The following UNC5C variants were observed in gnomAD, a reference collection of about 807,000 sequenced individuals.
The protein encoded by UNC5C is netrin receptor UNC5C.
UNC5C carries 47 observed loss-of-function variants against 99.8 expected under a neutral mutation model. The ratio of observed to expected loss-of-function variants is 0.47; its 90% CI spans 0.37 to 0.60. The LOEUF (loss-of-function observed/expected upper bound fraction) is 0.60, where lower values mean the gene tolerates loss of function less well. UNC5C is among the 20% of genes least tolerant of loss of function. UNC5C has a pLI of 0.00. For synonymous variants in UNC5C, 487 were observed against 452.2 expected, an observed-to-expected ratio of 1.08 and a Z score of -0.98; for missense variants, 1,062 against 1,165.9, an observed-to-expected ratio of 0.91 and a Z score of 1.30.
At chr4:95,424,260 C>G (rs1746399620) in intron 1 of UNC5C, among the ~76,000 whole-genome samples, 1 of 152,014 alleles carries the variant, frequency 6.6e-6, no homozygotes, top group Non-Finnish European at 1.5e-5. Flanking sequence ...ACCCCCACCC[C>G]TCATTCCAAG....
intron 1 of UNC5C, among the ~76,000 whole-genome samples, chr4:95,543,519 C>T (rs1285948911): frequency 6.6e-6 from 1 of 152,124 alleles, no homozygotes. Context: ...TCTTTGCCTT[C>T]GTGTTGACCT....
chr4:95,321,923 C>A, intron 2 of UNC5C, among the ~76,000 whole-genome samples: 1 of 152,112 alleles, frequency 6.6e-6, no homozygotes, highest in East Asian at 1.9e-4. Context: ...CAGCCTCATA[C>A]TGAAAAGAAA....
chr4:95,528,382 G>A (rs1243038331), intron 1 of UNC5C, among the ~76,000 whole-genome samples: 3 of 152,100 alleles, frequency 2.0e-5, no homozygotes, highest in East Asian at 1.9e-4. Flanking sequence ...CCCTTCATAC[G>A]GCCTTCAAGG....
At chr4:95,451,254 C>T (rs189978915) in intron 1 of UNC5C, among the ~76,000 whole-genome samples, 26 of 152,250 alleles carry the variant, frequency 1.7e-4, no homozygotes, top group African/African-American at 5.8e-4. Context: ...GCAGGCAATG[C>T]TGATTTAAAT....
chr4:95,382,472 A>G (rs1745100431), intron 1 of UNC5C, among the ~76,000 whole-genome samples: 1 of 151,964 alleles, frequency 6.6e-6, no homozygotes. Context: ...AAAAAAAAAA[A>G]AGAGTGTTTT....
intron 1 of UNC5C, among the ~76,000 whole-genome samples, chr4:95,530,387 C>G (rs565612665): frequency 7.2e-5 from 11 of 152,256 alleles, no homozygotes; most frequent in Admixed American, 1.3e-4. Context: ...AGGAGGTGTT[C>G]AGTTCCACAA....
chr4:95,330,437 T>C (rs2149418199), intron 2 of UNC5C, among the ~76,000 whole-genome samples: 1 of 152,236 alleles, frequency 6.6e-6, no homozygotes, highest in Admixed American at 6.5e-5. Flanking sequence ...ATTTTTAAAT[T>C]TCCTTTATAA....
chr4:95,207,151 A>AT, intron 10 of UNC5C, among the ~76,000 whole-genome samples: 1 of 152,166 alleles, frequency 6.6e-6, no homozygotes, highest in East Asian at 1.9e-4. Context: ...ACATAAGCAG[A>AT]TTTTCTGATA....
rs188063738 is a variant in UNC5C, at chr4:95,383,900, T to C, written c.125-48269A>G. ...ACATGTAACCTTTCCATCTTAATTT[T>C]TGATAAGACCAAATGGTTTCCTCTT... On this transcript the variant is annotated intron_variant, in intron 1 of 15. Transcript: ENST00000453304. 1.8e-3 allele frequency among the ~76,000 whole-genome samples: 268 copies of C among 152,306 alleles called. 1 individual carries two copies. Among genetic ancestry groups the C allele is most frequent in the African/African-American group, 6.2e-3 (258 of 41,576 alleles).
intron 4 of UNC5C, among the ~76,000 whole-genome samples, chr4:95,264,486 T>A (rs926125524): frequency 6.6e-6 from 1 of 152,034 alleles, no homozygotes; most frequent in African/African-American, 2.4e-5. Flanking sequence ...CCAAAAGATA[T>A]CAACTCCCCC....
chr4:95,439,349 C>T (rs1460697676), intron 1 of UNC5C, among the ~76,000 whole-genome samples: 1 of 150,138 alleles, frequency 6.7e-6, no homozygotes, highest in South Asian at 2.1e-4. Context: ...AAATCTGAAT[C>T]ATTTAGCAAA....
chr4:95,404,375 C>T (rs1224454442), intron 1 of UNC5C, among the ~76,000 whole-genome samples: 1 of 152,092 alleles, frequency 6.6e-6, no homozygotes, highest in Non-Finnish European at 1.5e-5. Context: ...CCAGGTATCG[C>T]TCTCCCTTTT....
chr4:95,299,936 A>C (rs976589651), intron 3 of UNC5C, among the ~76,000 whole-genome samples: 9 of 152,196 alleles, frequency 5.9e-5, no homozygotes, highest in African/African-American at 1.7e-4. Context: ...GGAATAGAGA[A>C]CAGACTTGAG....
intron 7 of UNC5C, chr4:95,222,295 A>C (rs1738497944): frequency 1.5e-6 from 2 of 1,361,308 alleles, no homozygotes; most frequent in Non-Finnish European, 2.0e-6. Context: ...TGAAACAAAA[A>C]TGGGAACAAA....
chr4:95,210,723 A>G (rs555483897), intron 10 of UNC5C, among the ~76,000 whole-genome samples: 3 of 152,248 alleles, frequency 2.0e-5, no homozygotes, highest in Non-Finnish European at 4.4e-5. Flanking sequence ...ATAATATTCC[A>G]GTAAATGCTG....
intron 1 of UNC5C, among the ~76,000 whole-genome samples, chr4:95,394,672 T>TGTGTGTGTGTGTGTGC (rs1745459829): frequency 6.6e-6 from 1 of 152,042 alleles, no homozygotes; most frequent in Non-Finnish European, 1.5e-5. Flanking sequence ...TGTGTGTGTG[T>TGTGTGTGTGTGTGTGC]GTGCTTTTCT....
chr4:95,297,401 A>G (rs1259538249), intron 3 of UNC5C, among the ~76,000 whole-genome samples: 3 of 152,202 alleles, frequency 2.0e-5, no homozygotes, highest in African/African-American at 7.2e-5. Flanking sequence ...CATTTGAACA[A>G]ACTTCACTGG....
At chr4:95,297,556 C>T (rs990821576) in intron 3 of UNC5C, among the ~76,000 whole-genome samples, 3 of 152,040 alleles carry the variant, frequency 2.0e-5, no homozygotes, top group Non-Finnish European at 2.9e-5. Context: ...ACAAATTTTA[C>T]GAGTGAATAT....
chr4:95,475,622 AT>A (rs1342078234), intron 1 of UNC5C, among the ~76,000 whole-genome samples: 4 of 152,076 alleles, frequency 2.6e-5, no homozygotes, highest in East Asian at 3.9e-4. Context: ...AATAAAAGAT[AT>A]TTTGCATGAC....
Sources: allele counts gnomAD v4.1 joint callset (sites outside exome capture counted in the v4.1 genomes callset), GRCh38; gene constraint gnomAD v4.1.1; transcripts MANE v1.5; gene names NCBI Gene and HGNC (gene_info 2026-07-23, HGNC 2026-07-21).